Variants in PIK3AP1 observed in about 807,000 individuals in gnomAD.
PIK3AP1 encodes phosphoinositide 3-kinase adapter protein 1.
Under a neutral mutation model 88.1 loss-of-function variants are expected in PIK3AP1, and 21 were observed. That is an observed-to-expected ratio of 0.24 (90% CI 0.17 to 0.34). PIK3AP1 has a LOEUF of 0.34. Ranked by LOEUF, PIK3AP1 falls within the 10% of genes least tolerant of loss-of-function variation. PIK3AP1 has a pLI of 1.00. For synonymous variants in PIK3AP1, 398 were observed against 400.0 expected, an observed-to-expected ratio of 1.00 and a Z score of 0.06; for missense variants, 828 against 1,035.7, an observed-to-expected ratio of 0.80 and a Z score of 2.75.
In PIK3AP1 at chr10:96,609,761, C is replaced by T. The variant is rs747654653; in HGVS notation, c.2121G>A (p.Thr707=). 1.4e-5 allele frequency: 23 copies of T among 1,613,986 alleles called. No homozygotes were observed. In the East Asian group the frequency reaches 3.6e-4, roughly 25 times the overall value. Residue 707 remains threonine, a synonymous_variant, in exon 14 of 17, where the codon ACG becomes ACA. Coordinates refer to ENST00000339364, the MANE Select transcript of PIK3AP1 (RefSeq NM_152309.3). ...TTTTCCAGTCTCCTCGTCTCAGCTC[C>T]GTCCTAGGGGGAATGACACTTTTCC... The part of the protein sequence containing the change: ...GPRKSVIPPR[T]ELRRGDWKTD...
At position 96,709,487 on chromosome 10, in the gene PIK3AP1, A is replaced by G. The variant is rs551506538; in HGVS notation, c.430+80T>C. The G allele has an allele frequency of 5.4e-6, 8 of 1,471,302 alleles. No individual in the cohort carries two copies. The East Asian group carries it at 1.8e-4, about 34-fold the overall frequency. The allele number at this position is 1,471,302 out of a possible 1,614,324, so 91.1% of individuals were successfully genotyped here. Reference sequence around the variant, plus strand: ...TCTTAACATAGTGAGATCCCCGCTCATTTTGGAATATAAACTTACACCTAG... The same window carrying G: ...TCTTAACATAGTGAGATCCCCGCTCGTTTTGGAATATAAACTTACACCTAG... On this transcript the variant is annotated intron_variant, in intron 2 of 16. Transcript: ENST00000339364.
At chr10:96,648,506 C>T (rs944775803) in intron 7 of PIK3AP1, among the ~76,000 whole-genome samples, 153 bp downstream of exon 7, 1 of 152,204 alleles carries the variant, frequency 6.6e-6, no homozygotes, top group Non-Finnish European at 1.5e-5. Context: ...TGACTCCAGA[C>T]CTCATTTCTT....
At chr10:96,622,560 A>C (rs1843099540) in intron 11 of PIK3AP1, among the ~76,000 whole-genome samples, 1 of 152,310 alleles carries the variant, frequency 6.6e-6, no homozygotes, top group South Asian at 2.1e-4. Flanking sequence ...ATCTGTCCGC[A>C]CACACCCACA....
At chr10:96,712,236 A>G (rs910228827) in intron 1 of PIK3AP1, among the ~76,000 whole-genome samples, 10 of 152,178 alleles carry the variant, frequency 6.6e-5, no homozygotes, top group African/African-American at 2.2e-4. Context: ...CAAATCTTTT[A>G]AAAAGGCAAT....
intron 1 of PIK3AP1, among the ~76,000 whole-genome samples, chr10:96,718,496 C>CT (rs1187754059): frequency 2.0e-5 from 3 of 152,318 alleles, no homozygotes; most frequent in Non-Finnish European, 1.5e-5. Context: ...ATTACAGCAC[C>CT]TGGAGTGGTG....
At chr10:96,604,144 ATAAT>A in intron 14 of PIK3AP1, 95 bp from the exon 15 acceptor site, 1 of 1,042,994 alleles carries the variant, frequency 9.6e-7, no homozygotes, top group Non-Finnish European at 1.4e-6. Flanking sequence ...ATTGATATAA[ATAAT>A]ACATAAGCTG....
intron 12 of PIK3AP1, among the ~76,000 whole-genome samples, chr10:96,616,914 A>T (rs1337419430): frequency 6.6e-6 from 1 of 152,176 alleles, no homozygotes; most frequent in Non-Finnish European, 1.5e-5. Flanking sequence ...AAGAGAAGAC[A>T]TCTCTTCCAC....
At chr10:96,667,702 A>C (rs1055893022) in intron 2 of PIK3AP1, among the ~76,000 whole-genome samples, 1 of 152,238 alleles carries the variant, frequency 6.6e-6, no homozygotes, top group African/African-American at 2.4e-5. Flanking sequence ...TTAAGAAAAA[A>C]AAAAATAAAA....
chr10:96,692,082 G>A (rs1448991270), intron 2 of PIK3AP1, among the ~76,000 whole-genome samples: 1 of 152,184 alleles, frequency 6.6e-6, no homozygotes, highest in East Asian at 1.9e-4. Flanking sequence ...TTGGAAAACT[G>A]TATCACAAGT....
intron 8 of PIK3AP1, among the ~76,000 whole-genome samples, chr10:96,632,039 T>C (rs1054301875): frequency 6.6e-6 from 1 of 152,054 alleles, no homozygotes; most frequent in African/African-American, 2.4e-5. Flanking sequence ...AGCCCAATTA[T>C]AGAAAACATC....
chr10:96,596,675 C>T (rs577221549), intron 16 of PIK3AP1, among the ~76,000 whole-genome samples: 1 of 152,286 alleles, frequency 6.6e-6, no homozygotes, highest in East Asian at 1.9e-4. Flanking sequence ...AACTTCCCTC[C>T]ATGTTATTCT....
At chr10:96,675,416 A>G (rs1428642454) in intron 2 of PIK3AP1, among the ~76,000 whole-genome samples, 1 of 152,170 alleles carries the variant, frequency 6.6e-6, no homozygotes, top group East Asian at 1.9e-4. Flanking sequence ...AAATGGGCCT[A>G]GTATCCCTGC....
chr10:96,712,600 T>C (rs1430401471), intron 1 of PIK3AP1, among the ~76,000 whole-genome samples: 1 of 152,224 alleles, frequency 6.6e-6, no homozygotes, highest in African/African-American at 2.4e-5. Flanking sequence ...GCAACTGACA[T>C]TGAGAAGCAG....
chr10:96,677,836 C>G (rs769248721), intron 2 of PIK3AP1, among the ~76,000 whole-genome samples: 3 of 151,756 alleles, frequency 2.0e-5, no homozygotes, highest in African/African-American at 4.8e-5. Flanking sequence ...AGAATCTGTC[C>G]CAGGGGTTCT....
Position 96,651,620 on chromosome 10 carries a change from T to C in PIK3AP1, c.744A>G (p.Ile248Met). 1 of 1,614,120 alleles carries C rather than the reference T, an allele frequency of 6.2e-7. No individual in the cohort carries two copies. The highest frequency in any genetic ancestry group is 8.5e-7 in the Non-Finnish European group (1 of 1,180,006). Reference sequence around the variant, plus strand: ...CACACACCACTAAGTCTCCAGAATATATCTTCAGAGAAACGTTCCCAGATG... The same window carrying C: ...CACACACCACTAAGTCTCCAGAATACATCTTCAGAGAAACGTTCCCAGATG... ...NLSSGNVSLKIYSGDLVVCET... is the reference protein window; with the variant it reads ...NLSSGNVSLKMYSGDLVVCET... The change falls in exon 5 of 17, where the codon ATA (isoleucine) becomes ATG (methionine). Residue 248 changes from isoleucine (I) to methionine (M), a missense_variant. Around this residue, in one of 3 missense-constraint regions of PIK3AP1, gnomAD observed 610 missense variants for 760.1 expected, o/e 0.80. Transcript: ENST00000339364.
At chr10:96,632,553 ATG>A (rs1273830538) in intron 8 of PIK3AP1, among the ~76,000 whole-genome samples, 4 of 103,858 alleles carry the variant, frequency 3.9e-5, no homozygotes, top group Admixed American at 2.5e-4. Flanking sequence ...TGTGGAGCAC[ATG>A]TGTGTGGATG....
rs137947728 is a variant in PIK3AP1 at position 96,631,107 on chromosome 10, AG to A, written c.1376-2615del. Among the ~76,000 whole-genome samples the A allele has an allele frequency of 3.4e-4, 52 of 152,300 alleles. No homozygotes were observed. The East Asian group carries it at 9.1e-3, about 27-fold the overall frequency. On this transcript the variant is annotated intron_variant, in intron 8 of 16. Transcript: ENST00000339364. ...CTCGGGTCAGACACCCCTAAAGATG[AG>A]GGGAGGGAGAAACTCCACAGCCCTG...
At chr10:96,628,902 ATATATGTG>A (rs1359998123) in intron 8 of PIK3AP1, among the ~76,000 whole-genome samples, 721 of 18,690 alleles carry the variant, frequency 0.039, 59 homozygotes, top group Middle Eastern at 0.087. Context: ...ATATATATAT[ATATATGTG>A]TATATATATA....
At chr10:96,706,336 T>G in intron 2 of PIK3AP1, among the ~76,000 whole-genome samples, 1 of 152,180 alleles carries the variant, frequency 6.6e-6, no homozygotes, top group East Asian at 1.9e-4. Context: ...TATTTTGAGG[T>G]ACCTTAGGAA....
Sources: gnomAD v4.1 joint callset for allele counts (sites outside exome capture counted in the v4.1 genomes callset) on GRCh38, gnomAD v4.1.1 for gene constraint, gnomAD v4.1.1 regional missense constraint, MANE v1.5 for transcripts, NCBI Gene and HGNC (gene_info 2026-07-23, HGNC 2026-07-21) for gene names.